Variants in CRACDL observed in about 807,000 individuals in gnomAD.
CRACDL encodes CRACD like.
Under a neutral mutation model 70.6 loss-of-function variants are expected in CRACDL, and 26 were observed. The observed-to-expected ratio is 0.37, with a 90% confidence interval of 0.27 to 0.51. The LOEUF (loss-of-function observed/expected upper bound fraction) is 0.51. CRACDL is among the 20% of genes least tolerant of loss of function. The probability of loss-of-function intolerance (pLI) is 0.94; values close to 1 mark genes in which losing one functional copy is unlikely to be tolerated. For synonymous variants in CRACDL, 618 were observed against 615.2 expected (o/e 1.00, Z -0.07); for missense variants, 1,283 against 1,376.9 (o/e 0.93, Z 1.08).
chr2:98,930,323 C>T (rs1209929409), intron 1 of CRACDL, among the ~76,000 whole-genome samples: 5 of 110,322 alleles, frequency 4.5e-5, no homozygotes, highest in African/African-American at 7.8e-5. Flanking sequence ...CTACCCCATC[C>T]CCATCCCCAC....
chr2:98,795,962 G>A (rs1041158924), intron 9 of CRACDL, among the ~76,000 whole-genome samples, 158 bp downstream of exon 9: 4 of 152,188 alleles, frequency 2.6e-5, no homozygotes, highest in African/African-American at 9.6e-5. Context: ...TAAAATGGAT[G>A]AGTTTTATGA....
At chr2:98,813,343 A>G (rs919494245) in intron 7 of CRACDL, among the ~76,000 whole-genome samples, 2 of 152,188 alleles carry the variant, frequency 1.3e-5, no homozygotes, top group African/African-American at 4.8e-5. Context: ...GAGGCAGGAG[A>G]ATTGCTTGAA....
chr2:98,856,266 ATTTC>A (rs1264686444), intron 1 of CRACDL, among the ~76,000 whole-genome samples: 2 of 152,214 alleles, frequency 1.3e-5, no homozygotes, highest in Non-Finnish European at 2.9e-5. Flanking sequence ...TTTACAGCTA[ATTTC>A]TTATCAGAAA....
intron 1 of CRACDL, among the ~76,000 whole-genome samples, chr2:98,914,034 G>GAAAGGCT (rs1467628499): frequency 1.3e-5 from 2 of 152,212 alleles, no homozygotes; most frequent in East Asian, 3.9e-4. Context: ...GTGCCCTGTT[G>GAAAGGCT]AAAGGCTAAG....
intron 1 of CRACDL, among the ~76,000 whole-genome samples, chr2:98,889,020 C>T (rs1055381118): frequency 2.7e-5 from 4 of 150,154 alleles, no homozygotes; most frequent in East Asian, 2.0e-4. Flanking sequence ...CCCAGCTACT[C>T]GGGAGGCTGA....
Position 98,842,865 on chromosome 2 carries a change from A to G in CRACDL, c.70+3866T>C, listed in dbSNP as rs574581791. Among the ~76,000 whole-genome samples the G allele has an allele frequency of 7.7e-5, 11 of 143,320 alleles. No homozygotes were observed. The East Asian group carries it at 2.1e-3, about 27-fold the overall frequency. The allele number at this position is 143,320 out of a possible 152,430, so 94.0% of individuals were successfully genotyped here. On this transcript the variant is annotated intron_variant, in intron 2 of 9. Coordinates refer to ENST00000397899, the MANE Select transcript of CRACDL (RefSeq NM_207362.3). The stretch of plus-strand genomic sequence containing the variant: ...TTAGCAATTATAAATAAGTTGCTAT[A>G]GTTTGTGTGTGTGTGTGTGTGTGTG...
At chr2:98,840,972 A>G (rs962191013) in intron 2 of CRACDL, among the ~76,000 whole-genome samples, 1 of 152,142 alleles carries the variant, frequency 6.6e-6, no homozygotes, top group Admixed American at 6.6e-5. Flanking sequence ...AGCATTTCAG[A>G]CTTTGGATTT....
At chr2:98,910,975 G>A (rs1708533287) in intron 1 of CRACDL, among the ~76,000 whole-genome samples, 1 of 152,216 alleles carries the variant, frequency 6.6e-6, no homozygotes, top group Non-Finnish European at 1.5e-5. Flanking sequence ...TGGGCACAGA[G>A]AATCAGAAAG....
chr2:98,918,641 AGAT>A (rs1289470470), intron 1 of CRACDL, among the ~76,000 whole-genome samples: 2 of 151,426 alleles, frequency 1.3e-5, no homozygotes, highest in African/African-American at 2.4e-5. Context: ...TTCTGCTATA[AGAT>A]GATATCTCAT....
At chr2:98,802,812 T>A (rs1704134294) in intron 7 of CRACDL, among the ~76,000 whole-genome samples, 1 of 152,208 alleles carries the variant, frequency 6.6e-6, no homozygotes, top group South Asian at 2.1e-4. Flanking sequence ...CAACGAGTTG[T>A]CGTACAATGT....
At chr2:98,837,999 GA>G in intron 3 of CRACDL, 119 bp downstream of exon 3, 1 of 792,408 alleles carries the variant, frequency 1.3e-6, no homozygotes, top group Non-Finnish European at 1.9e-6. Flanking sequence ...AACTTCTATG[GA>G]AGAACCTCTA....
intron 1 of CRACDL, among the ~76,000 whole-genome samples, chr2:98,847,837 A>G (rs1443340302): frequency 6.6e-6 from 1 of 152,220 alleles, no homozygotes; most frequent in East Asian, 1.9e-4. Flanking sequence ...ACAGCACAGA[A>G]TGGGAAATGA....
In CRACDL at chr2:98,832,449, G is replaced by A. The variant is rs550266039; in HGVS notation, c.439C>T (p.Arg147Trp). The change falls in exon 5 of 10, where the codon CGG (arginine) becomes TGG (tryptophan). Residue 147 changes from arginine to tryptophan, a missense_variant. By Grantham distance (101) the Arg-to-Trp change is moderately radical (BLOSUM62 -3). Around this residue, in one of 2 missense-constraint regions of CRACDL, gnomAD observed 362 missense variants for 495.0 expected, o/e 0.73. Transcript: ENST00000397899. ...GAGCTCATGCCGGCATCCTCTCCCC[G>A]CTTGGCAGGAAGCCCCCCTGGAGGA... is the stretch of plus-strand genomic sequence containing the variant. ...PPPPGGLPAKRGEDAGMSSED... is the reference protein window; with the variant it reads ...PPPPGGLPAKWGEDAGMSSED... The A allele has an allele frequency of 1.6e-5, 26 of 1,613,728 alleles. No individual in the cohort carries two copies. The highest frequency in any genetic ancestry group is 5.5e-5 in the South Asian group (5 of 91,050).
Position 98,822,045 on chromosome 2 carries a change from C to G in CRACDL, c.2228G>C (p.Ser743Thr). The G allele has an allele frequency of 6.5e-7, 1 of 1,546,280 alleles. No homozygotes were observed. The highest frequency in any genetic ancestry group is 1.4e-5 in the African/African-American group (1 of 72,970). The change falls in exon 7 of 10, where the codon AGC becomes ACC. Residue 743 changes from serine to threonine, a missense_variant. Ser to Thr is a moderately conservative substitution (Grantham distance 58). Transcript: ENST00000397899. The surrounding 1 kb of genome is among the most constrained non-coding windows in gnomAD (Gnocchi z 4.9). ...CCGGGCCTTCCCCTTTCCTTGGTCG[C>G]TGGGGGCCCTGGTGCCTCGAAGGGC... is the stretch of plus-strand genomic sequence containing the variant. ...APALRGTRAP[S>T]DQGKGKARPP...
intron 2 of CRACDL, 50 bp downstream of exon 2, chr2:98,846,681 C>T (rs557348774): frequency 1.3e-6 from 2 of 1,494,310 alleles, no homozygotes; most frequent in Admixed American, 3.3e-5. Context: ...CTCTCCCTGC[C>T]CCACAACAAA....
chr2:98,934,346 A>T (rs1331521650), intron 1 of CRACDL, among the ~76,000 whole-genome samples: 2 of 151,564 alleles, frequency 1.3e-5, no homozygotes, highest in Non-Finnish European at 2.9e-5. Context: ...TACAGGCGCC[A>T]CACCTGGCTA....
intron 1 of CRACDL, among the ~76,000 whole-genome samples, chr2:98,873,743 T>C (rs1326408210): frequency 1.3e-5 from 2 of 152,240 alleles, no homozygotes; most frequent in Non-Finnish European, 2.9e-5. Flanking sequence ...TGGTGGCTCA[T>C]GCCTGGAATC....
chr2:98,837,028 T>C (rs2104512171), intron 3 of CRACDL, among the ~76,000 whole-genome samples: 1 of 148,202 alleles, frequency 6.7e-6, no homozygotes, highest in East Asian at 2.0e-4. Flanking sequence ...CAGCTTGCAG[T>C]GAGCCAAGAT....
chr2:98,831,199 C>T (rs978898373), intron 5 of CRACDL, among the ~76,000 whole-genome samples: 2 of 152,204 alleles, frequency 1.3e-5, no homozygotes, highest in African/African-American at 4.8e-5. Context: ...GGGACAGCTT[C>T]GCCCCAGAGC....
Sources: allele counts gnomAD v4.1 joint callset (sites outside exome capture counted in the v4.1 genomes callset), GRCh38; gene constraint gnomAD v4.1.1; regional missense constraint gnomAD v4.1.1; non-coding constraint Gnocchi (gnomAD v3.1); transcripts MANE v1.5; gene names NCBI Gene and HGNC (gene_info 2026-07-23, HGNC 2026-07-21).